ADK: variants seen among roughly 807,000 people sequenced by gnomAD.
ADK encodes the protein adenosine kinase, also known as N6,N6-dimethyladenosine kinase.
In ADK, 24 loss-of-function variants were observed where a neutral mutation model predicts 44.7. That is an observed-to-expected ratio of 0.54 (90% CI 0.39 to 0.76). The LOEUF (loss-of-function observed/expected upper bound fraction) is 0.76. ADK is among the 30% of genes least tolerant of loss of function. The pLI is 0.00. For synonymous variants in ADK, 128 were observed against 142.6 expected, an observed-to-expected ratio of 0.90 and a Z score of 0.73; for missense variants, 321 against 425.1, an observed-to-expected ratio of 0.76 and a Z score of 2.15.
At chr10:74,286,360 G>A (rs981669692) in intron 3 of ADK, among the ~76,000 whole-genome samples, 2 of 152,156 alleles carry the variant, frequency 1.3e-5, no homozygotes, top group Non-Finnish European at 2.9e-5. Context: ...CTTGAGGAGT[G>A]TTTTTTAAAA....
At chr10:74,347,836 A>C (rs566520640) in intron 4 of ADK, among the ~76,000 whole-genome samples, 5 of 152,286 alleles carry the variant, frequency 3.3e-5, no homozygotes, top group Admixed American at 6.5e-5. Flanking sequence ...ACAGTGCAGC[A>C]AAGCAGCTGT....
chr10:74,281,404 A>G (rs1846929761), intron 3 of ADK, among the ~76,000 whole-genome samples: 1 of 152,204 alleles, frequency 6.6e-6, no homozygotes, highest in Non-Finnish European at 1.5e-5. Flanking sequence ...CTTTTTTGGT[A>G]AAGAAACATA....
At chr10:74,687,844 G>A (rs768283955) in intron 10 of ADK, among the ~76,000 whole-genome samples, 18 of 152,106 alleles carry the variant, frequency 1.2e-4, no homozygotes, top group Non-Finnish European at 2.2e-4. Context: ...TCCACTTACT[G>A]TAGTAGTTTC....
chr10:74,335,489 C>A (rs750581123), intron 4 of ADK, among the ~76,000 whole-genome samples: 1 of 152,134 alleles, frequency 6.6e-6, no homozygotes, highest in Non-Finnish European at 1.5e-5. Context: ...ATGTACTGCA[C>A]CTTGTGTCTC....
At chr10:74,588,006 C>T (rs1851588452) in intron 7 of ADK, among the ~76,000 whole-genome samples, 1 of 151,986 alleles carries the variant, frequency 6.6e-6, no homozygotes, top group African/African-American at 2.4e-5. Flanking sequence ...TAATGCTCAA[C>T]TGTTTTTACC....
chr10:74,531,321 G>A (rs1054558169), intron 7 of ADK, among the ~76,000 whole-genome samples: 3 of 152,120 alleles, frequency 2.0e-5, no homozygotes, highest in Admixed American at 6.5e-5. Context: ...TAGACTAGAT[G>A]TTCTGGTCCC....
chr10:74,499,136 C>T (rs539522974), intron 6 of ADK, among the ~76,000 whole-genome samples: 1 of 152,280 alleles, frequency 6.6e-6, no homozygotes, highest in East Asian at 1.9e-4. Flanking sequence ...ACTGCAACCT[C>T]AAACTCTGGG....
chr10:74,154,626 C>T (rs1373610598), intron 1 of ADK, among the ~76,000 whole-genome samples: 4 of 152,128 alleles, frequency 2.6e-5, no homozygotes, highest in African/African-American at 9.7e-5. Flanking sequence ...GACTTTCTGA[C>T]ATTTCGAAGT....
chr10:74,525,773 GCCT>G (rs1849012935), intron 7 of ADK, among the ~76,000 whole-genome samples: 1 of 152,022 alleles, frequency 6.6e-6, no homozygotes, highest in South Asian at 2.1e-4. Flanking sequence ...TCCTGCCTCA[GCCT>G]CCTAAGTAGC....
chr10:74,267,754 T>TTTTTTGTG (rs1554835954), intron 3 of ADK, among the ~76,000 whole-genome samples: 2 of 132,734 alleles, frequency 1.5e-5, no homozygotes, highest in Non-Finnish European at 3.2e-5. Flanking sequence ...ATATCCTTAT[T>TTTTTTGTG]TGTGTGTGTG....
intron 4 of ADK, among the ~76,000 whole-genome samples, chr10:74,388,668 T>G (rs902419537): frequency 1.3e-5 from 2 of 152,188 alleles, no homozygotes; most frequent in African/African-American, 4.8e-5. Context: ...CTTTGAAAAT[T>G]TATAGAAATA....
At chr10:74,341,217 G>A (rs1025796135) in intron 4 of ADK, among the ~76,000 whole-genome samples, 10 of 151,910 alleles carry the variant, frequency 6.6e-5, no homozygotes, top group African/African-American at 2.4e-4. Flanking sequence ...TTATACTAAG[G>A]TTTCTTACAC....
chr10:74,305,693 G>T (rs1210733450), intron 3 of ADK, among the ~76,000 whole-genome samples: 7 of 151,986 alleles, frequency 4.6e-5, no homozygotes, highest in African/African-American at 1.7e-4. Flanking sequence ...ATCAAATTTG[G>T]AAATTTTTAA....
intron 10 of ADK, among the ~76,000 whole-genome samples, chr10:74,676,349 C>T (rs922192649): frequency 2.6e-5 from 4 of 152,130 alleles, no homozygotes; most frequent in Non-Finnish European, 5.9e-5. Context: ...AGGCTGGTCT[C>T]GAACTCCTGA....
chr10:74,194,815 G>C (rs999748649), intron 1 of ADK, among the ~76,000 whole-genome samples: 1 of 152,206 alleles, frequency 6.6e-6, no homozygotes, highest in African/African-American at 2.4e-5. Context: ...TGGATTTAAA[G>C]AGAAGATGAC....
chr10:74,402,824 C>T (rs761024230), intron 6 of ADK, among the ~76,000 whole-genome samples: 28 of 152,176 alleles, frequency 1.8e-4, no homozygotes, highest in Non-Finnish European at 1.0e-4. Flanking sequence ...GGAGAAGAGA[C>T]GCTCTGATTT....
At position 74,541,454 on chromosome 10, in the gene ADK, C is replaced by T. The variant is rs369653622; in HGVS notation, c.726+16028C>T. On this transcript the variant is annotated intron_variant, in intron 7 of 10. Coordinates refer to ENST00000539909, the MANE Select transcript of ADK (RefSeq NM_006721.4). ...TTGCATTTAGTTACCACATTTCCTT[C>T]GTCTCTTTAATCTAGAATGGTTCTT... Among the ~76,000 whole-genome samples the T allele has an allele frequency of 1.1e-3, 175 of 152,246 alleles. 4 individuals are homozygous for T. In the South Asian group the frequency reaches 0.034, roughly 30 times the overall value.
chr10:74,685,846 C>T (rs1256827969), intron 10 of ADK, among the ~76,000 whole-genome samples: 1 of 151,730 alleles, frequency 6.6e-6, no homozygotes, highest in Non-Finnish European at 1.5e-5. Flanking sequence ...CTCCTTCAGT[C>T]AAAAGGAGCA....
At chr10:74,672,491 C>G (rs1855225947) in intron 10 of ADK, among the ~76,000 whole-genome samples, 1 of 152,092 alleles carries the variant, frequency 6.6e-6, no homozygotes, top group Admixed American at 6.6e-5. Flanking sequence ...TTGTTGAAAT[C>G]AGAATAGAGA....
Sources: allele counts gnomAD v4.1 joint callset (sites outside exome capture counted in the v4.1 genomes callset), GRCh38; gene constraint gnomAD v4.1.1; transcripts MANE v1.5; gene names NCBI Gene and HGNC (gene_info 2026-07-23, HGNC 2026-07-21).